The following OTUD7B variants were observed in gnomAD, a reference collection of about 807,000 sequenced individuals.
OTUD7B encodes the protein OTU domain-containing protein 7B.
OTUD7B carries 34 observed loss-of-function variants against 82.2 expected under a neutral mutation model. The ratio of observed to expected loss-of-function variants is 0.41; its 90% CI spans 0.31 to 0.55. The LOEUF (loss-of-function observed/expected upper bound fraction) is 0.55, where lower values mean the gene tolerates loss of function less well. OTUD7B is among the 20% of genes least tolerant of loss of function. OTUD7B has a pLI of 0.20. For missense variants in OTUD7B, 944 were observed against 1,062.1 expected (o/e 0.89, Z 1.55); for synonymous variants, 398 against 402.7 (o/e 0.99, Z 0.14).
the OTUD7B span, among the ~76,000 whole-genome samples, chr1:150,065,384 T>C: frequency 6.6e-6 from 1 of 152,226 alleles, no homozygotes; most frequent in Non-Finnish European, 1.5e-5. Context: ...AATACTGCAT[T>C]TTTTGACTTC....
chr1:150,041,711 A>G, the OTUD7B span, among the ~76,000 whole-genome samples: 1 of 152,046 alleles, frequency 6.6e-6, no homozygotes, highest in Non-Finnish European at 1.5e-5. Context: ...GGTCTGTTTT[A>G]TTGGTTATCA....
At chr1:149,998,741 T>C (rs1163451637) in intron 1 of OTUD7B, among the ~76,000 whole-genome samples, 1 of 152,228 alleles carries the variant, frequency 6.6e-6, no homozygotes, top group African/African-American at 2.4e-5. Flanking sequence ...ACTGTTTCTA[T>C]AATATACTGG....
At chr1:149,946,741 GAAA>G (rs1553772237) in intron 11 of OTUD7B, among the ~76,000 whole-genome samples, 3 of 79,540 alleles carry the variant, frequency 3.8e-5, no homozygotes, top group African/African-American at 1.1e-4. Flanking sequence ...GACTTCCTCT[GAAA>G]AAAAAAAAAA....
chr1:150,009,816 T>C (rs1652910868), intron 1 of OTUD7B, among the ~76,000 whole-genome samples: 1 of 151,048 alleles, frequency 6.6e-6, no homozygotes, highest in Non-Finnish European at 1.5e-5. Flanking sequence ...AAGAGTGAGA[T>C]CACGCAGCCC....
At chr1:150,014,100 A>ATT (rs1484010794), upstream of OTUD7B, among the ~76,000 whole-genome samples, 10 of 8,434 alleles carry the variant, frequency 1.2e-3, no homozygotes, top group African/African-American at 1.6e-3. Context: ...ATATATATAT[A>ATT]TATATAGTAG....
intron 2 of OTUD7B, 81 bp downstream of exon 2, chr1:149,977,345 A>G: frequency 1.0e-6 from 1 of 979,972 alleles, no homozygotes; most frequent in South Asian, 1.3e-5. Context: ...CTTCCTGATC[A>G]CCTTAAATGG....
At chr1:149,994,048 C>A (rs587728511) in intron 1 of OTUD7B, among the ~76,000 whole-genome samples, 1 of 152,292 alleles carries the variant, frequency 6.6e-6, no homozygotes, top group South Asian at 2.1e-4. Context: ...AGTACACAAG[C>A]CATCTGGTAA....
chr1:150,007,954 C>T (rs1283577358), intron 1 of OTUD7B, among the ~76,000 whole-genome samples: 1 of 152,196 alleles, frequency 6.6e-6, no homozygotes, highest in African/African-American at 2.4e-5. Context: ...GAGTGCTACT[C>T]ATACACACAT....
At chr1:150,007,464 C>T (rs1039013993) in intron 1 of OTUD7B, among the ~76,000 whole-genome samples, 26 of 152,288 alleles carry the variant, frequency 1.7e-4, no homozygotes, top group East Asian at 5.8e-4. Flanking sequence ...CTTATCAGCA[C>T]GTTAAATTTG....
At position 149,941,118 on chromosome 1, in the gene OTUD7B, G is replaced by T. The variant is rs1647229874; in HGVS notation, c.*2739C>A. On this transcript the variant is annotated 3_prime_UTR_variant, in exon 12 of 12. Transcript: ENST00000581312. ...TCAAAATTTCCATCTTTTTTTATTTGAAAATAAAGCAAACGGAATTGGGAT... is the reference window on the plus strand; with the variant it reads ...TCAAAATTTCCATCTTTTTTTATTTTAAAATAAAGCAAACGGAATTGGGAT... The T allele has an allele frequency of 6.6e-6, 1 of 151,876 alleles. No homozygotes were observed. Among genetic ancestry groups the T allele is most frequent in the East Asian group, 1.9e-4 (1 of 5,182 alleles). 9.4% of individuals were successfully genotyped at this position (151,876 alleles called of 1,614,324 possible).
intron 1 of OTUD7B, among the ~76,000 whole-genome samples, chr1:149,996,822 A>G (rs1651954404): frequency 6.6e-6 from 1 of 152,226 alleles, no homozygotes; most frequent in Non-Finnish European, 1.5e-5. Context: ...AAGTTATGAC[A>G]GACGAGCTGT....
upstream of OTUD7B, among the ~76,000 whole-genome samples, chr1:150,012,650 A>G (rs1223317417): frequency 3.3e-5 from 5 of 152,198 alleles, no homozygotes; most frequent in Non-Finnish European, 7.4e-5. Context: ...CAGTGACCAT[A>G]GAAGGTCTCC....
At chr1:149,965,467 T>C (rs1553776355) in intron 5 of OTUD7B, among the ~76,000 whole-genome samples, 1 of 152,192 alleles carries the variant, frequency 6.6e-6, no homozygotes, top group African/African-American at 2.4e-5. Context: ...TAAGTAGAAT[T>C]GTACACATAC....
At chr1:149,997,289 A>T (rs1651981861) in intron 1 of OTUD7B, among the ~76,000 whole-genome samples, 1 of 152,212 alleles carries the variant, frequency 6.6e-6, no homozygotes, top group Non-Finnish European at 1.5e-5. Context: ...AATACAAAAG[A>T]TCTAAGGCTA....
intron 1 of OTUD7B, among the ~76,000 whole-genome samples, chr1:149,984,174 T>C (rs1650977975): frequency 6.6e-6 from 1 of 152,090 alleles, no homozygotes. Context: ...CCATGCTCCT[T>C]GAGCCTCCCA....
chr1:149,981,293 C>G (rs1553779590), intron 1 of OTUD7B, among the ~76,000 whole-genome samples: 1 of 152,178 alleles, frequency 6.6e-6, no homozygotes. Context: ...ATGCAAGAAT[C>G]CTTCTATTAC....
chr1:150,062,570 T>A, the OTUD7B span, among the ~76,000 whole-genome samples: 1 of 152,212 alleles, frequency 6.6e-6, no homozygotes, highest in East Asian at 1.9e-4. Flanking sequence ...TTCTATTTTA[T>A]ATATCAGAGC....
intron 1 of OTUD7B, among the ~76,000 whole-genome samples, chr1:149,986,740 A>G (rs1651170544): frequency 6.6e-6 from 1 of 152,232 alleles, no homozygotes. Context: ...AGGAATCCAG[A>G]CAGAGAGAAA....
Position 149,949,070 on chromosome 1 carries a change from A to G in OTUD7B, c.1137T>C (p.Leu379=). The change falls in exon 10 of 12, where the codon CTT becomes CTC. Residue 379 remains leucine (L), a synonymous_variant. Coordinates refer to ENST00000581312, the MANE Select transcript of OTUD7B (RefSeq NM_020205.4). ...GCAGCAGCTTATACTCTGAATCTGT[A>G]AGTGGGATCACAGCTGGAGAGGAAG... ...ENTKEQAVIP[L]TDSEYKLLPL... The G allele has an allele frequency of 6.2e-7, 1 of 1,609,036 alleles. No individual in the cohort carries two copies. The highest frequency in any genetic ancestry group is 8.5e-7 in the Non-Finnish European group (1 of 1,175,328).
Sources: allele counts gnomAD v4.1 joint callset (sites outside exome capture counted in the v4.1 genomes callset), GRCh38; gene constraint gnomAD v4.1.1; transcripts MANE v1.5; gene names NCBI Gene and HGNC (gene_info 2026-07-23, HGNC 2026-07-21).